Variants in GDA observed in about 807,000 individuals in gnomAD.
The protein encoded by GDA is guanine deaminase.
A neutral mutation model predicts 59.6 loss-of-function variants in GDA; 18 were observed. The observed-to-expected ratio is 0.30, with a 90% CI of 0.21 to 0.45. The LOEUF is 0.45. GDA is among the 20% of genes least tolerant of loss of function. The pLI, the probability that GDA is intolerant of heterozygous loss-of-function variation, is 1.00. For synonymous variants in GDA, 201 were observed against 201.1 expected (o/e 1.00, Z 0.00); for missense variants, 427 against 552.3 (o/e 0.77, Z 2.27).
chr9:72,194,499 C>T (rs962528195), intron 1 of GDA, among the ~76,000 whole-genome samples: 3 of 152,086 alleles, frequency 2.0e-5, no homozygotes, highest in African/African-American at 7.2e-5. Context: ...AGAAAAAGTC[C>T]TCCCCACCCT....
downstream of GDA, among the ~76,000 whole-genome samples, chr9:72,256,608 G>A (rs1052310795): frequency 1.2e-4 from 18 of 152,200 alleles, no homozygotes; most frequent in Non-Finnish European, 1.6e-4. Context: ...CGAGTAGAGC[G>A]TTCAGCATGA....
downstream of GDA, among the ~76,000 whole-genome samples, chr9:72,254,012 G>A (rs986414146): frequency 2.0e-5 from 3 of 152,092 alleles, no homozygotes; most frequent in Non-Finnish European, 4.4e-5. Flanking sequence ...GTGTTATGGT[G>A]TTCTAAGACT....
At chr9:72,233,113 G>C (rs1838545855) in intron 10 of GDA, among the ~76,000 whole-genome samples, 1 of 152,034 alleles carries the variant, frequency 6.6e-6, no homozygotes, top group Non-Finnish European at 1.5e-5. Context: ...CGTGACTTTT[G>C]TGTATCAATT....
intron 1 of GDA, among the ~76,000 whole-genome samples, chr9:72,153,423 G>T (rs372568683): frequency 3.3e-5 from 5 of 151,108 alleles, no homozygotes; most frequent in Admixed American, 2.6e-4. Context: ...TCAGTGTGGC[G>T]ATTCCTCAGG....
chr9:72,241,302 A>T lies in GDA; in HGVS notation c.1135+4A>T. 1 of 1,590,096 alleles carries T rather than the reference A, an allele frequency of 6.3e-7. No individual in the cohort carries two copies. Among genetic ancestry groups the T allele is most frequent in the Non-Finnish European group, 8.6e-7 (1 of 1,161,870 alleles). On this transcript the variant is annotated splice_donor_region_variant and intron_variant, in intron 11 of 13. Transcript: ENST00000358399. Reference sequence around the variant, plus strand: ...GCTACTCTTGGAGGAAGCCAAGGTAATGACTCTTACATTTTTCTCTCACAC... The same window carrying T: ...GCTACTCTTGGAGGAAGCCAAGGTATTGACTCTTACATTTTTCTCTCACAC...
chr9:72,226,034 T>C (rs565442334), intron 8 of GDA, among the ~76,000 whole-genome samples: 14 of 151,528 alleles, frequency 9.2e-5, no homozygotes, highest in Non-Finnish European at 2.1e-4. Flanking sequence ...TGTGTGTGTG[T>C]AGTTAAAAAT....
intron 1 of GDA, among the ~76,000 whole-genome samples, chr9:72,142,149 C>G (rs1045536200): frequency 2.6e-5 from 4 of 152,114 alleles, no homozygotes; most frequent in African/African-American, 9.7e-5. Context: ...AGTTCATGTT[C>G]ATCAGAAGTT....
chr9:72,255,089 A>C (rs537993573), downstream of GDA, among the ~76,000 whole-genome samples: 2 of 152,226 alleles, frequency 1.3e-5, no homozygotes, highest in Non-Finnish European at 2.9e-5. Flanking sequence ...GTTAGACAGC[A>C]TCTTTTGTTG....
Position 72,251,535 on chromosome 9 carries a change from G to C in GDA, c.*3193G>C, listed in dbSNP as rs887353543. 10 of 152,170 alleles carry C rather than the reference G, an allele frequency of 6.6e-5. No individual in the cohort carries two copies. The highest frequency in any genetic ancestry group is 2.4e-4 in the African/African-American group (10 of 41,534). The allele number at this position is 152,170 out of a possible 1,614,324, so 9.4% of individuals were successfully genotyped here. ...TGATGATTGCTGGAAACATTCACAC[G>C]CTTAAAAGCAATGGTGTGAGTTATT... On this transcript the variant is annotated 3_prime_UTR_variant, in exon 14 of 14. Coordinates refer to ENST00000358399, the MANE Select transcript of GDA (RefSeq NM_004293.5).
At position 72,185,962 on chromosome 9, in the gene GDA, A is replaced by G. The variant is rs1831815354; in HGVS notation, c.124-9538A>G. ...AAAACAAGGGGCCAGTTGAGAAGAT[A>G]CCTGCCAGCTGGGACCATGACTTTA... On this transcript the variant is annotated intron_variant, in intron 1 of 13. Transcript: ENST00000358399. Among the ~76,000 whole-genome samples, 3 of 152,312 alleles carry G rather than the reference A, an allele frequency of 2.0e-5. No individual in the cohort carries two copies. In the South Asian group the frequency reaches 6.2e-4, roughly 32 times the overall value.
At chr9:72,206,806 T>C (rs910491234) in intron 3 of GDA, among the ~76,000 whole-genome samples, 2 of 152,130 alleles carry the variant, frequency 1.3e-5, no homozygotes, top group Admixed American at 6.5e-5. Context: ...AATTTAACAA[T>C]GAGCTTTGCT....
intron 10 of GDA, among the ~76,000 whole-genome samples, chr9:72,238,504 A>T (rs998948612): frequency 3.3e-5 from 5 of 152,246 alleles, no homozygotes; most frequent in Admixed American, 6.5e-5. Context: ...GGTTTTATTT[A>T]CAAGTGCTTA....
rs1169111857 is a variant in GDA at position 72,248,217 on chromosome 9, A to G, written c.1295-55A>G. ...AAAAAATCTCTCCCAATGGCAAGGA[A>G]GATACTTATTGACACAAAAGGATTT... On this transcript the variant is annotated intron_variant, in intron 13 of 13. Transcript: ENST00000358399. 3.4e-6 allele frequency: 4 copies of G among 1,193,542 alleles called. No individual in the cohort carries two copies. The African/African-American group carries it at 4.5e-5, about 13-fold the overall frequency. 73.9% of individuals were successfully genotyped at this position (1,193,542 alleles called of 1,614,324 possible).
At chr9:72,165,440 A>G (rs1459043734) in intron 1 of GDA, among the ~76,000 whole-genome samples, 5 of 152,202 alleles carry the variant, frequency 3.3e-5, no homozygotes, top group Non-Finnish European at 5.9e-5. Context: ...TATTAACGTC[A>G]AGCAAGTAAG....
At chr9:72,148,940 G>A (rs1274753661), upstream of GDA, among the ~76,000 whole-genome samples, 1 of 152,234 alleles carries the variant, frequency 6.6e-6, no homozygotes. Context: ...GCCTCAAGGT[G>A]AAGAGAGGAA....
intron 4 of GDA, among the ~76,000 whole-genome samples, chr9:72,213,578 C>T (rs188751550): frequency 0.062 from 9,444 of 151,228 alleles, 427 homozygotes; most frequent in Non-Finnish European, 0.092. Context: ...CCGAGGCGGG[C>T]GGATCACAAG....
chr9:72,239,872 A>G (rs930760290), intron 10 of GDA, among the ~76,000 whole-genome samples: 3 of 152,202 alleles, frequency 2.0e-5, no homozygotes, highest in African/African-American at 7.2e-5. Context: ...ATAGTTGAAC[A>G]TAAAATTGAG....
chr9:72,250,837 G>A lies in GDA; in HGVS notation c.*2495G>A, dbSNP rs770436806. 80 of 1,609,560 alleles carry A rather than the reference G, an allele frequency of 5.0e-5. No individual in the cohort carries two copies. Among genetic ancestry groups the A allele is most frequent in the Non-Finnish European group, 6.5e-5 (77 of 1,177,626 alleles). On this transcript the variant is annotated 3_prime_UTR_variant, in exon 14 of 14. Transcript: ENST00000358399. ...TGGTATTTTCAACGGAATACACTTT[G>A]AAAGGTAAAAACAATTCAAAAGTAT...
upstream of GDA, among the ~76,000 whole-genome samples, chr9:72,148,588 C>T (rs1826801251): frequency 6.6e-6 from 1 of 151,992 alleles, no homozygotes; most frequent in African/African-American, 2.4e-5. Flanking sequence ...AGGAACAGCA[C>T]GTTAGAGGGC....
Sources: gnomAD v4.1 joint callset for allele counts (sites outside exome capture counted in the v4.1 genomes callset) on GRCh38, gnomAD v4.1.1 for gene constraint, MANE v1.5 for transcripts, NCBI Gene and HGNC (gene_info 2026-07-23, HGNC 2026-07-21) for gene names.